Variants in CPT1B observed in about 807,000 individuals in gnomAD.
CPT1B encodes carnitine palmitoyltransferase 1B, also known as carnitine O-palmitoyltransferase 1, muscle isoform.
CPT1B carries 57 observed loss-of-function variants against 92.7 expected under a neutral mutation model. The observed-to-expected ratio is 0.62, with a 90% CI of 0.50 to 0.77. The LOEUF (loss-of-function observed/expected upper bound fraction) is 0.77, where lower values mean the gene tolerates loss of function less well. Among genes scored for constraint, CPT1B ranks in the 30% least tolerant of loss-of-function variants. The pLI is 0.00. For synonymous variants in CPT1B, 398 were observed against 383.5 expected, an observed-to-expected ratio of 1.04 and a Z score of -0.44; for missense variants, 983 against 1,017.4, an observed-to-expected ratio of 0.97 and a Z score of 0.46.
Position 50,577,782 on chromosome 22 carries a change from C to T in CPT1B, c.134G>A (p.Arg45His), listed in dbSNP as rs916864501. The part of the protein sequence containing the change: ...GINSWKKRLI[R>H]IKNGILRGVY... ...AGAAGCACCTGTGCGCACCTTGATGCGGATCAGGCGTTTCTTCCAGGAGTT... is the reference window on the plus strand; with the variant it reads ...AGAAGCACCTGTGCGCACCTTGATGTGGATCAGGCGTTTCTTCCAGGAGTT... Residue 45 changes from arginine (R) to histidine (H), a missense_variant, in exon 2 of 20, where the codon CGC becomes CAC. By Grantham distance (29) the Arg-to-His change is conservative (BLOSUM62 0). Transcript: ENST00000312108. 4 of 1,613,422 alleles carry T rather than the reference C, an allele frequency of 2.5e-6. No homozygotes were observed. In the African/African-American group the frequency reaches 5.3e-5, roughly 22 times the overall value.
Position 50,570,891 on chromosome 22 carries a change from C to G in CPT1B, c.2028G>C (p.Glu676Asp). 1.2e-6 allele frequency: 2 copies of G among 1,613,210 alleles called. No homozygotes were observed. Among genetic ancestry groups the G allele is most frequent in the Non-Finnish European group, 1.7e-6 (2 of 1,179,828 alleles). Residue 676 changes from glutamate (E) to aspartate (D), a missense_variant and splice_region_variant, in exon 16 of 20, where the codon GAG becomes GAC. Coordinates refer to ENST00000312108, the MANE Select transcript of CPT1B (RefSeq NM_152246.3). ...YLGVSSPFLA[E>D]VLSEPWRLST... ...GGACACACCCAACAACGGTGCTGAC[C>G]TCAGCAAGGAAAGGAGAGCTGACTC...
chr22:50,573,525 T>G lies in CPT1B; in HGVS notation c.1161A>C (p.Gly387=). The change falls in exon 10 of 20, where the codon GGA becomes GGC. Residue 387 remains glycine (G), a synonymous_variant. Coordinates refer to ENST00000312108, the MANE Select transcript of CPT1B (RefSeq NM_152246.3). The surrounding 1 kb of genome is among the most constrained non-coding windows in gnomAD (Gnocchi z 5.0). The part of the protein sequence containing the change: ...GEEKLAALTA[G]GRVEWAQARQ... ...CCCTTCCTAGAGGCCAATACCTTCC[T>G]CCTGCAGTGAGGGCTGCCAGCTTCT... is the stretch of plus-strand genomic sequence containing the variant. 1 of 1,609,612 alleles carries G rather than the reference T, an allele frequency of 6.2e-7. No individual in the cohort carries two copies. The highest frequency in any genetic ancestry group is 8.5e-7 in the Non-Finnish European group (1 of 1,177,686).
intron 4 of CPT1B, 43 bp from the exon 5 acceptor site, chr22:50,576,680 A>G (rs1422453777): frequency 6.2e-7 from 1 of 1,600,018 alleles, no homozygotes; most frequent in Non-Finnish European, 8.6e-7. Flanking sequence ...GCCAGTGGAA[A>G]AAATGGAAAC....
At chr22:50,570,783 T>C (rs2269386) in intron 16 of CPT1B, 108 bp downstream of exon 16, 30,338 of 1,469,736 alleles carry the variant, frequency 0.021, 1,716 homozygotes, top group African/African-American at 0.17. Context: ...TCCAGGGAGC[T>C]TCAGGGGAGC....
In CPT1B at chr22:50,576,517, G is replaced by A; in HGVS notation, c.561+19C>T. The A allele has an allele frequency of 1.3e-6, 2 of 1,593,158 alleles. No homozygotes were observed. The highest frequency in any genetic ancestry group is 8.6e-7 in the Non-Finnish European group (1 of 1,168,618). On this transcript the variant is annotated intron_variant, in intron 5 of 19. Transcript: ENST00000312108. ...TCCAACCTCCCCTGCCCACTGGGATGCCCAAGCGAGGCCCTCACCCGCTGA... is the reference window on the plus strand; with the variant it reads ...TCCAACCTCCCCTGCCCACTGGGATACCCAAGCGAGGCCCTCACCCGCTGA...
In CPT1B at chr22:50,577,005, C is replaced by T. The variant is rs571187466; in HGVS notation, c.311G>A (p.Arg104Gln). 2.5e-5 allele frequency: 41 copies of T among 1,613,990 alleles called. No homozygotes were observed. The highest frequency in any genetic ancestry group is 1.1e-4 in the East Asian group (5 of 44,888). Residue 104 changes from arginine (R) to glutamine (Q), a missense_variant, in exon 4 of 20, where the codon CGG (arginine) becomes CAG (glutamine). Physicochemically the swap from Arg to Gln is conservative, Grantham distance 43. Coordinates refer to ENST00000312108, the MANE Select transcript of CPT1B (RefSeq NM_152246.3). ...GAAGATGGCCATGCTGAGAAGTGCC[C>T]GGGTCTGCGGGGTCTGGTAGGGGCC... Reference protein sequence around the residue: ...GCGPYQTPQTRALLSMAIFST... With the variant: ...GCGPYQTPQTQALLSMAIFST...
At chr22:50,577,652 G>A (rs1390709657) in intron 2 of CPT1B, 123 bp downstream of exon 2, 3 of 1,469,566 alleles carry the variant, frequency 2.0e-6, no homozygotes, top group Non-Finnish European at 2.8e-6. Flanking sequence ...TCTGGTGTCT[G>A]TACTTCCACA....
chr22:50,574,171 G>A (rs1194069452), intron 9 of CPT1B, among the ~76,000 whole-genome samples, 164 bp downstream of exon 9: 1 of 152,228 alleles, frequency 6.6e-6, no homozygotes, highest in Admixed American at 6.5e-5. Flanking sequence ...GGGTCCCTGC[G>A]CCAGCATCAT....
chr22:50,576,202 T>G lies in CPT1B; in HGVS notation c.695A>C (p.Asn232Thr). 6.2e-7 allele frequency: 1 copy of G among 1,614,064 alleles called. No individual in the cohort carries two copies. Among genetic ancestry groups the G allele is most frequent in the Non-Finnish European group, 8.5e-7 (1 of 1,180,016 alleles). Reference sequence around the variant, plus strand: ...AGCCCAGGGGCAGGAACTTACATAGTTACTTGCCCACCATGACTTGAGCAC... The same window carrying G: ...AGCCCAGGGGCAGGAACTTACATAGGTACTTGCCCACCATGACTTGAGCAC... ...YLVLKSWWASNYVSDWWEEYI... is the reference protein window; with the variant it reads ...YLVLKSWWASTYVSDWWEEYI... Residue 232 changes from asparagine (N) to threonine (T), a missense_variant, in exon 6 of 20, where the codon AAC (asparagine) becomes ACC (threonine). Asn to Thr is a moderately conservative substitution (Grantham distance 65). Coordinates refer to ENST00000312108, the MANE Select transcript of CPT1B (RefSeq NM_152246.3).
Position 50,573,660 on chromosome 22 carries a change from G to C in CPT1B, c.1026C>G (p.Arg342=). Residue 342 remains arginine (R), a synonymous_variant, in exon 10 of 20, where the codon CGC becomes CGG. Coordinates refer to ENST00000312108, the MANE Select transcript of CPT1B (RefSeq NM_152246.3). This position sits in a 1 kb window ranked among gnomAD's most constrained non-coding sequence, Gnocchi z 5.0. ...CCTCATAGAGCCACAGCTTGAAGAAGCGTCCCTTGTGGTAGACAGCCACGT... is the reference window on the plus strand; with the variant it reads ...CCTCATAGAGCCACAGCTTGAAGAACCGTCCCTTGTGGTAGACAGCCACGT... The part of the protein sequence containing the change: ...SRHVAVYHKG[R]FFKLWLYEGA... 6.2e-7 allele frequency: 1 copy of C among 1,613,360 alleles called. No homozygotes were observed. The highest frequency in any genetic ancestry group is 1.3e-5 in the African/African-American group (1 of 75,054).
rs1449591041 is a variant in CPT1B, at chr22:50,573,945, G to A, written c.971-230C>T. ...TCCTATAAAGTATTTCACAGAAGAGGAAACGACGCACTAGAGGGTTGTGCA... is the reference window on the plus strand; with the variant it reads ...TCCTATAAAGTATTTCACAGAAGAGAAAACGACGCACTAGAGGGTTGTGCA... On this transcript the variant is annotated intron_variant, in intron 9 of 19. Transcript: ENST00000312108. This position sits in a 1 kb window ranked among gnomAD's most constrained non-coding sequence, Gnocchi z 5.0. 1.4e-6 allele frequency: 1 copy of A among 708,578 alleles called. No individual in the cohort carries two copies. Among genetic ancestry groups the A allele is most frequent in the East Asian group, 2.7e-5 (1 of 36,538 alleles). 43.9% of individuals were successfully genotyped at this position (708,578 alleles called of 1,614,324 possible).
intron 3 of CPT1B, 120 bp from the exon 4 acceptor site, chr22:50,577,154 G>T: frequency 1.4e-6 from 2 of 1,381,408 alleles, no homozygotes; most frequent in Non-Finnish European, 2.0e-6. Flanking sequence ...ATGTCTGACT[G>T]CATCAAATGA....
rs770358975 is a variant in CPT1B at position 50,576,020 on chromosome 22, G to A, written c.777+15C>T. The A allele has an allele frequency of 6.2e-7, 1 of 1,613,076 alleles. No individual in the cohort carries two copies. Among genetic ancestry groups the A allele is most frequent in the Non-Finnish European group, 8.5e-7 (1 of 1,179,216 alleles). ...AGCTGAGCACGTGCGGGGACCTGGG[G>A]GCTCTAGTTCATACCATGACATAAT... On this transcript the variant is annotated intron_variant, in intron 7 of 19. Transcript: ENST00000312108.
rs1339973567 is a variant in CPT1B at position 50,573,373 on chromosome 22, C to T, written c.1166+147G>A. On this transcript the variant is annotated intron_variant, in intron 10 of 19. Transcript: ENST00000312108. This position sits in a 1 kb window ranked among gnomAD's most constrained non-coding sequence, Gnocchi z 5.0. ...TGCCACCCGTCAGAGGTAGGTTATG[C>T]TGGCTGTCCTGCTGCCATGACCACC... The T allele has an allele frequency of 1.4e-6, 1 of 735,650 alleles. No individual in the cohort carries two copies. Among genetic ancestry groups the T allele is most frequent in the Non-Finnish European group, 2.2e-6 (1 of 456,702 alleles). The allele number at this position is 735,650 out of a possible 1,614,324, so 45.6% of individuals were successfully genotyped here. A position where few individuals can be genotyped will look rare whatever the true frequency, so the allele number is the denominator to read the frequency against.
chr22:50,578,212 G>C (rs2070560307), intron 1 of CPT1B, 174 bp downstream of exon 1: 1 of 155,484 alleles, frequency 6.4e-6, no homozygotes, highest in Non-Finnish European at 1.4e-5. Context: ...GCGTCAGCGA[G>C]GGCGCGGGCA....
chr22:50,572,048 C>T lies in CPT1B; in HGVS notation c.1533G>A (p.Ala511=), dbSNP rs1395264577. The change falls in exon 13 of 20, where the codon GCG becomes GCA. Residue 511 remains alanine (A), a synonymous_variant. Coordinates refer to ENST00000312108, the MANE Select transcript of CPT1B (RefSeq NM_152246.3). Reference sequence around the variant, plus strand: ...ACTGCAGCCGTGTAGGAGGTGCGAGCGCAGGGTTCGGTTTGCCCAGGCAGT... The same window carrying T: ...ACTGCAGCCGTGTAGGAGGTGCGAGTGCAGGGTTCGGTTTGCCCAGGCAGT... ...TGHCLGKPNP[A]LAPPTRLQWD... The T allele has an allele frequency of 1.2e-6, 2 of 1,614,120 alleles. No individual in the cohort carries two copies. Among genetic ancestry groups the T allele is most frequent in the East Asian group, 2.2e-5 (1 of 44,888 alleles).
Position 50,576,252 on chromosome 22 carries a change from A to C in CPT1B, c.645T>G (p.Thr215=). 6.2e-7 allele frequency: 1 copy of C among 1,614,104 alleles called. No homozygotes were observed. Among genetic ancestry groups the C allele is most frequent in the Non-Finnish European group, 8.5e-7 (1 of 1,180,032 alleles). ...CCAGGTATTTCTGCAGCCTGGGGGC[A>C]GTCTTGTCCTGGAATTCTTTGGCCA... ...ELLAKEFQDK[T]APRLQKYLVL... is the part of the protein sequence containing the mutation. The change falls in exon 6 of 20, where the codon ACT becomes ACG. Residue 215 remains threonine, a synonymous_variant. Coordinates refer to ENST00000312108, the MANE Select transcript of CPT1B (RefSeq NM_152246.3).
In CPT1B at chr22:50,577,387, G is replaced by A; in HGVS notation, c.218C>T (p.Ser73Phe). 1 of 1,613,954 alleles carries A rather than the reference G, an allele frequency of 6.2e-7. No individual in the cohort carries two copies. The highest frequency in any genetic ancestry group is 1.1e-5 in the South Asian group (1 of 91,088). ...CAAGGAGATGTCCACGTTGCAGAAGGAGGAACCCACTGTTGCCATGATGAC... is the reference window on the plus strand; with the variant it reads ...CAAGGAGATGTCCACGTTGCAGAAGAAGGAACCCACTGTTGCCATGATGAC... The part of the protein sequence containing the change: ...LVVIMATVGS[S>F]FCNVDISLGL... The change falls in exon 3 of 20, where the codon TCC becomes TTC. Residue 73 changes from serine (S) to phenylalanine (F), a missense_variant. Transcript: ENST00000312108.
chr22:50,569,126 GAAA>G, intron 19 of CPT1B, 45 bp from the exon 20 acceptor site: 1 of 445,256 alleles, frequency 2.2e-6, no homozygotes. Context: ...TATCTATCAA[GAAA>G]AAAAAAAATC....
Sources: gnomAD v4.1 joint callset for allele counts (sites outside exome capture counted in the v4.1 genomes callset) on GRCh38, gnomAD v4.1.1 for gene constraint, Gnocchi (gnomAD v3.1) non-coding constraint, MANE v1.5 for transcripts, NCBI Gene and HGNC (gene_info 2026-07-23, HGNC 2026-07-21) for gene names.